The following FAM83E variants were observed in gnomAD, a reference collection of about 807,000 sequenced individuals.
FAM83E encodes scaffolding CK1 anchoring protein E, also known as protein FAM83E.
In FAM83E, 29 loss-of-function variants were observed where a neutral mutation model predicts 34.3. The ratio of observed to expected loss-of-function variants is 0.85; its 90% confidence interval spans 0.63 to 1.15. The LOEUF (loss-of-function observed/expected upper bound fraction) is 1.15, where lower values mean the gene tolerates loss of function less well. FAM83E is among the 50% of genes most tolerant of loss of function. The pLI, the probability that FAM83E is intolerant of heterozygous loss-of-function variation, is 0.00. For synonymous variants in FAM83E, 312 were observed against 311.6 expected (o/e 1.00, Z -0.01); for missense variants, 697 against 685.0 (o/e 1.02, Z -0.20).
chr19:48,603,140 T>A (rs1039792618), intron 6 of FAM83E, among the ~76,000 whole-genome samples: 4 of 151,990 alleles, frequency 2.6e-5, no homozygotes, highest in African/African-American at 9.7e-5. Flanking sequence ...CCAAGTGGAT[T>A]CCTCCCCCAA....
rs1974116227 is a variant in FAM83E at position 48,614,715 on chromosome 19, GGCTAGT to G, written c.-1269_-1264del. On this transcript the variant is annotated 5_prime_UTR_variant, in exon 2 of 7. Coordinates refer to ENST00000263266, the MANE Select transcript of FAM83E (RefSeq NM_017708.4). ...CCCATCGCCGGGGCTCACCCACACC[GGCTAGT>G]GCCGGGCTCAATGGCCTCCCTTCCA... 1.1e-6 allele frequency: 1 copy of G among 879,550 alleles called. No homozygotes were observed. The highest frequency in any genetic ancestry group is 1.9e-5 in the African/African-American group (1 of 52,550). 54.5% of individuals were successfully genotyped at this position (879,550 alleles called of 1,614,324 possible). A position where few individuals can be genotyped will look rare whatever the true frequency, so the allele number is the denominator to read the frequency against.
chr19:48,602,829 TTATTA>T (rs1568417970), intron 6 of FAM83E, among the ~76,000 whole-genome samples: 36 of 13,106 alleles, frequency 2.7e-3, no homozygotes, highest in Admixed American at 0.019. Context: ...TTATTGTTTA[TTATTA>T]TTATTATTAT....
intron 5 of FAM83E, among the ~76,000 whole-genome samples, chr19:48,605,019 C>CAAA (rs72014229): frequency 0.031 from 2,310 of 75,536 alleles, 189 homozygotes; most frequent in African/African-American, 0.11. Flanking sequence ...GACTCTGACT[C>CAAA]AAAAAAAAAA....
At chr19:48,609,175 G>T (rs566922940) in intron 5 of FAM83E, among the ~76,000 whole-genome samples, 1 of 151,818 alleles carries the variant, frequency 6.6e-6, no homozygotes, top group African/African-American at 2.4e-5. Context: ...AATCCAGGCC[G>T]TCTGGTCCCA....
Position 48,603,891 on chromosome 19 carries a change from C to A in FAM83E, c.779G>T (p.Arg260Leu). Reference protein sequence around the residue: ...GSYSFTWSDARLHRGLVTLLT... With the variant: ...GSYSFTWSDALLHRGLVTLLT... Reference sequence around the variant, plus strand: ...CAGGGTCACCAGGCCTCGGTGCAGGCGTGCGTCACTCCACGTGAAGCTGGG... The same window carrying A: ...CAGGGTCACCAGGCCTCGGTGCAGGAGTGCGTCACTCCACGTGAAGCTGGG... The change falls in exon 6 of 7, where the codon CGC becomes CTC. Residue 260 changes from arginine to leucine, a missense_variant. Physicochemically the swap from Arg to Leu is moderately radical, Grantham distance 102. Transcript: ENST00000263266. 6.2e-7 allele frequency: 1 copy of A among 1,602,432 alleles called. No individual in the cohort carries two copies. The highest frequency in any genetic ancestry group is 8.5e-7 in the Non-Finnish European group (1 of 1,174,602).
At chr19:48,606,689 A>G in intron 5 of FAM83E, 1 of 459,578 alleles carries the variant, frequency 2.2e-6, no homozygotes, top group Non-Finnish European at 4.0e-6. Flanking sequence ...CTCACCTATG[A>G]CCTCATCCCC....
chr19:48,603,561 G>A lies in FAM83E; in HGVS notation c.1109C>T (p.Pro370Leu). 3 of 1,560,786 alleles carry A rather than the reference G, an allele frequency of 1.9e-6. No individual in the cohort carries two copies. In the South Asian group the frequency reaches 3.4e-5, roughly 18 times the overall value. Residue 370 changes from proline (P) to leucine (L), a missense_variant, in exon 6 of 7, where the codon CCC (proline) becomes CTC (leucine). Transcript: ENST00000263266. ...GCTTAGGTCCCACATGGAGCGGCTG[G>A]GCCGGGCCGGGGGGCCGCTGGGGGT... ...ARTPSGPPAR[P>L]SRSMWDLSRL...
At chr19:48,607,577 C>T (rs1973958849) in intron 5 of FAM83E, 1 of 592,878 alleles carries the variant, frequency 1.7e-6, no homozygotes, top group Non-Finnish European at 3.0e-6. Flanking sequence ...TTGTATTACT[C>T]TGTTCCACTG....
chr19:48,606,572 G>T (rs151118908), intron 5 of FAM83E, among the ~76,000 whole-genome samples: 1 of 152,180 alleles, frequency 6.6e-6, no homozygotes, highest in African/African-American at 2.4e-5. Flanking sequence ...TGTGGCCAGC[G>T]TCCTCTGGGT....
chr19:48,614,161 G>GGTA lies in FAM83E; in HGVS notation c.-790_-789insTAC. The GGTA allele has an allele frequency of 6.1e-6, 6 of 985,768 alleles. No homozygotes were observed. Among genetic ancestry groups the GGTA allele is most frequent in the Non-Finnish European group, 7.2e-6 (6 of 830,216 alleles). The allele number at this position is 985,768 out of a possible 1,614,324, so 61.1% of individuals were successfully genotyped here. On this transcript the variant is annotated 5_prime_UTR_variant, in exon 3 of 7. Transcript: ENST00000263266. ...CAAACCCTTCCCTACCCTGTCAATG[G>GGTA]GGGACCCTGCTCCCTGGACCCTCCT... is the stretch of plus-strand genomic sequence containing the variant.
Position 48,600,954 on chromosome 19 carries a change from A to G in FAM83E, c.*155T>C. The G allele has an allele frequency of 6.9e-7, 1 of 1,440,058 alleles. No homozygotes were observed. The highest frequency in any genetic ancestry group is 9.1e-7 in the Non-Finnish European group (1 of 1,101,856). 89.2% of individuals were successfully genotyped at this position (1,440,058 alleles called of 1,614,324 possible). ...AGGCATGAGCCACCACTCCCGGCCC[A>G]AGTTGCAGAACAAGTGACAAACATC... On this transcript the variant is annotated 3_prime_UTR_variant, in exon 7 of 7. Transcript: ENST00000263266.
chr19:48,613,505 G>A lies in FAM83E; in HGVS notation c.-133C>T, dbSNP rs1339025309. The A allele has an allele frequency of 7.0e-7, 1 of 1,427,900 alleles. No individual in the cohort carries two copies. The highest frequency in any genetic ancestry group is 2.9e-5 in the Admixed American group (1 of 34,840). The allele number at this position is 1,427,900 out of a possible 1,614,324, so 88.5% of individuals were successfully genotyped here. A position where few individuals can be genotyped will look rare whatever the true frequency, so the allele number is the denominator to read the frequency against. ...ACGTGGCCATCCGAGGCCTCCGGCG[G>A]GGCCCTGCAGATGTCCAAATGGCTC... On this transcript the variant is annotated 5_prime_UTR_variant, in exon 3 of 7. Transcript: ENST00000263266.
chr19:48,602,492 C>T (rs1406435574), intron 6 of FAM83E, among the ~76,000 whole-genome samples: 2 of 150,412 alleles, frequency 1.3e-5, no homozygotes, highest in East Asian at 2.0e-4. Flanking sequence ...GAACCGGAAG[C>T]GCCGGCATCT....
In FAM83E at chr19:48,600,890, C is replaced by T. The variant is rs1973798413; in HGVS notation, c.*219G>A. On this transcript the variant is annotated 3_prime_UTR_variant, in exon 7 of 7. Transcript: ENST00000263266. ...CTGGTCTCCAACTCCTGGCCTTAAG[C>T]AACCCTCCCACCTTAGCCTCCCAAA... The T allele has an allele frequency of 4.9e-6, 5 of 1,012,668 alleles. No homozygotes were observed. The East Asian group carries it at 1.7e-4, about 34-fold the overall frequency. 62.7% of individuals were successfully genotyped at this position (1,012,668 alleles called of 1,614,324 possible).
rs2147650430 is a variant in FAM83E at position 48,613,341 on chromosome 19, C to A, written c.32G>T (p.Gly11Val). The change falls in exon 3 of 7, where the codon GGA becomes GTA. Residue 11 changes from glycine to valine, a missense_variant. Gly to Val is a moderately radical substitution (Grantham distance 109). Coordinates refer to ENST00000263266, the MANE Select transcript of FAM83E (RefSeq NM_017708.4). MAASQLAALEGVDSGPRVPGA... is the reference protein window; with the variant it reads MAASQLAALEVVDSGPRVPGA... The stretch of plus-strand genomic sequence containing the variant: ...GGGCACCCTGGGACCGGAGTCCACT[C>A]CTTCCAGCGCCGCCAGCTGGGAGGC... The A allele has an allele frequency of 6.3e-7, 1 of 1,577,482 alleles. No homozygotes were observed. The highest frequency in any genetic ancestry group is 8.6e-7 in the Non-Finnish European group (1 of 1,162,026).
chr19:48,603,851 A>G lies in FAM83E; in HGVS notation c.819T>C (p.Ile273=), dbSNP rs749490708. Residue 273 remains isoleucine, a synonymous_variant, in exon 6 of 7, where the codon ATT becomes ATC. Coordinates refer to ENST00000263266, the MANE Select transcript of FAM83E (RefSeq NM_017708.4). ...GGAACTCAAGGCTGAAGGCGTCAAC[A>G]ATTTCACCAGTCAGCAGGGTCACCA... ...RGLVTLLTGE[I]VDAFSLEFRT... is the part of the protein sequence containing the mutation. 6.2e-7 allele frequency: 1 copy of G among 1,609,114 alleles called. No individual in the cohort carries two copies. The highest frequency in any genetic ancestry group is 1.1e-5 in the South Asian group (1 of 90,322).
Position 48,614,918 on chromosome 19 carries a change from G to A in FAM83E, c.-1388+19C>T. 2.4e-6 allele frequency: 1 copy of A among 410,214 alleles called. No homozygotes were observed. Among genetic ancestry groups the A allele is most frequent in the Non-Finnish European group, 3.3e-6 (1 of 303,820 alleles). The allele number at this position is 410,214 out of a possible 1,614,324, so 25.4% of individuals were successfully genotyped here. On this transcript the variant is annotated intron_variant, in intron 1 of 6. Coordinates refer to ENST00000263266, the MANE Select transcript of FAM83E (RefSeq NM_017708.4). ...CCCCTGGAGGAGGTCCGGGGGTGCG[G>A]CTCACACGCTTTCTTTACCTGTGCT...
At position 48,609,868 on chromosome 19, in the gene FAM83E, G is replaced by A. The variant is rs1408120760; in HGVS notation, c.758+8C>T. 8 of 1,611,824 alleles carry A rather than the reference G, an allele frequency of 5.0e-6. No individual in the cohort carries two copies. The highest frequency in any genetic ancestry group is 5.9e-6 in the Non-Finnish European group (7 of 1,179,678). On this transcript the variant is annotated splice_region_variant and intron_variant, in intron 5 of 6. Coordinates refer to ENST00000263266, the MANE Select transcript of FAM83E (RefSeq NM_017708.4). ...GCCGGGAGGTGGGGGGCGGGGCGGG[G>A]GCTACACCTGTAGGATCCTGAGATG...
Position 48,614,587 on chromosome 19 carries a change from ACCAACCCAGG to A in FAM83E, c.-1225_-1216del, listed in dbSNP as rs1434157304. On this transcript the variant is annotated 5_prime_UTR_variant, in exon 3 of 7. Coordinates refer to ENST00000263266, the MANE Select transcript of FAM83E (RefSeq NM_017708.4). The stretch of plus-strand genomic sequence containing the variant: ...ACCAGAAGCCCTTCATTCCAATCCC[ACCAACCCAGG>A]CCGCTGCTTCCTCCAGACCACAGCA... 2 of 985,744 alleles carry A rather than the reference ACCAACCCAGG, an allele frequency of 2.0e-6. No homozygotes were observed. The highest frequency in any genetic ancestry group is 2.4e-6 in the Non-Finnish European group (2 of 830,490). 61.1% of individuals were successfully genotyped at this position (985,744 alleles called of 1,614,324 possible).
Sources: allele counts gnomAD v4.1 joint callset (sites outside exome capture counted in the v4.1 genomes callset), GRCh38; gene constraint gnomAD v4.1.1; transcripts MANE v1.5; gene names NCBI Gene and HGNC (gene_info 2026-07-23, HGNC 2026-07-21).